The following ZNF333 variants were observed in gnomAD, a reference collection of about 807,000 sequenced individuals.
ZNF333 encodes zinc finger protein 333.
A neutral mutation model predicts 76.1 loss-of-function variants in ZNF333; 61 were observed. The observed-to-expected ratio is 0.80, with a 90% confidence interval of 0.65 to 0.99. The LOEUF is 0.99. Ranked by LOEUF, ZNF333 falls within the 50% of genes least tolerant of loss-of-function variation. The probability of loss-of-function intolerance (pLI) is 0.00; values close to 1 mark genes in which losing one functional copy is unlikely to be tolerated. For synonymous variants in ZNF333, 284 were observed against 305.0 expected, an observed-to-expected ratio of 0.93 and a Z score of 0.72; for missense variants, 717 against 822.4, an observed-to-expected ratio of 0.87 and a Z score of 1.57.
intron 2 of ZNF333, among the ~76,000 whole-genome samples, chr19:14,694,547 C>A (rs1038044500): frequency 3.9e-5 from 6 of 152,092 alleles, no homozygotes; most frequent in African/African-American, 1.4e-4. Flanking sequence ...TAATTAAGGA[C>A]GTAAGTCTTG....
intron 6 of ZNF333, among the ~76,000 whole-genome samples, 193 bp downstream of exon 6, chr19:14,705,363 T>A (rs2042078618): frequency 6.6e-6 from 1 of 152,086 alleles, no homozygotes; most frequent in Non-Finnish European, 1.5e-5. Context: ...GATGGCGGGC[T>A]CCAGGGCGGG....
chr19:14,706,820 C>A, intron 7 of ZNF333, 47 bp downstream of exon 7: 2 of 1,535,358 alleles, frequency 1.3e-6, no homozygotes, highest in African/African-American at 1.4e-5. Flanking sequence ...CCCTGCTGTC[C>A]TTGTGTTCTG....
Position 14,727,573 on chromosome 19 carries a change from AAACC to A in ZNF333, c.901-3600_901-3597del, listed in dbSNP as rs2042641886. Among the ~76,000 whole-genome samples the A allele has an allele frequency of 2.6e-5, 4 of 152,038 alleles. No individual in the cohort carries two copies. The South Asian group carries it at 8.3e-4, about 32-fold the overall frequency. On this transcript the variant is annotated intron_variant, in intron 11 of 11. Transcript: ENST00000540689. ...ACTGACTTACAGCAAAGGGATTACT[AAACC>A]ATTCATGAGCGATTTGCCCCCATGA...
intron 5 of ZNF333, among the ~76,000 whole-genome samples, chr19:14,699,818 A>C (rs575562984): frequency 4.6e-5 from 7 of 152,180 alleles, no homozygotes; most frequent in African/African-American, 1.4e-4. Flanking sequence ...ACTGTCAGAA[A>C]AACCCCTCCT....
intron 5 of ZNF333, among the ~76,000 whole-genome samples, chr19:14,703,331 G>T (rs1347357835): frequency 6.6e-6 from 1 of 152,108 alleles, no homozygotes; most frequent in Admixed American, 6.6e-5. Flanking sequence ...GACATACGGG[G>T]ATTATGGGAA....
At chr19:14,702,840 G>A (rs904312349) in intron 5 of ZNF333, among the ~76,000 whole-genome samples, 3 of 152,136 alleles carry the variant, frequency 2.0e-5, no homozygotes, top group South Asian at 2.1e-4. Context: ...GGCAGGGGAC[G>A]CAAACACATC....
intron 1 of ZNF333, 101 bp from the exon 2 acceptor site, chr19:14,693,350 C>G: frequency 1.2e-6 from 1 of 819,560 alleles, no homozygotes; most frequent in Non-Finnish European, 1.8e-6. Context: ...AGATAAATGT[C>G]CTGTAAGGGT....
chr19:14,694,009 A>G (rs11667655), intron 2 of ZNF333, among the ~76,000 whole-genome samples: 1,830 of 150,166 alleles, frequency 0.012, 26 homozygotes, highest in Non-Finnish European at 0.02. Flanking sequence ...AAAAAAATTA[A>G]AAAGTTTAAG....
intron 1 of ZNF333, among the ~76,000 whole-genome samples, chr19:14,691,241 C>T (rs1972753088): frequency 6.6e-6 from 1 of 152,114 alleles, no homozygotes; most frequent in East Asian, 1.9e-4. Flanking sequence ...TCAGTTATTT[C>T]ACAAATATTA....
intron 1 of ZNF333, among the ~76,000 whole-genome samples, chr19:14,692,517 TTA>T (rs35436398): frequency 0.43 from 65,045 of 150,886 alleles, 15,173 homozygotes; most frequent in East Asian, 0.7. Context: ...TTCTTTTTAT[TTA>T]TTTTTTTTCT....
chr19:14,720,351 C>T lies in ZNF333; in HGVS notation c.*1026C>T, dbSNP rs2042560915. 1.1e-5 allele frequency: 11 copies of T among 985,428 alleles called. No homozygotes were observed. The South Asian group carries it at 3.8e-4, about 34-fold the overall frequency. The allele number at this position is 985,428 out of a possible 1,614,324, so 61.0% of individuals were successfully genotyped here. ...GGTTTCATGTAGCCACATCTCTCCA[C>T]TTCTTGCCTTTTGGACAAGTAGACA... On this transcript the variant is annotated 3_prime_UTR_variant, in exon 12 of 12. Coordinates refer to ENST00000292530, the MANE Select transcript of ZNF333 (RefSeq NM_032433.4).
chr19:14,706,614 T>C (rs1015345145), intron 6 of ZNF333, 72 bp from the exon 7 acceptor site: 20 of 1,148,168 alleles, frequency 1.7e-5, no homozygotes, highest in Non-Finnish European at 2.4e-5. Context: ...GCACGTTCAT[T>C]TGGGGTGAGC....
At chr19:14,716,896 C>A in intron 9 of ZNF333, 98 bp from the exon 10 acceptor site, 1 of 1,098,356 alleles carries the variant, frequency 9.1e-7, no homozygotes, top group Non-Finnish European at 1.3e-6. Flanking sequence ...CATTTTGCCA[C>A]TCCCATCTCT....
intron 8 of ZNF333, among the ~76,000 whole-genome samples, chr19:14,715,891 T>A (rs577076727): frequency 2.6e-5 from 4 of 152,260 alleles, no homozygotes; most frequent in African/African-American, 9.6e-5. Context: ...CTTGCAACAT[T>A]AGTTATTGCC....
chr19:14,715,903 C>G (rs2042415537), intron 8 of ZNF333, among the ~76,000 whole-genome samples: 1 of 152,174 alleles, frequency 6.6e-6, no homozygotes, highest in South Asian at 2.1e-4. Flanking sequence ...GTTATTGCCT[C>G]TTGCTGTTCT....
intron 5 of ZNF333, among the ~76,000 whole-genome samples, chr19:14,699,999 T>C (rs1026822897): frequency 3.3e-5 from 5 of 151,942 alleles, no homozygotes; most frequent in African/African-American, 1.2e-4. Flanking sequence ...TCCACCATCA[T>C]TCACCTCTTT....
intron 1 of ZNF333, 83 bp from the exon 2 acceptor site, chr19:14,693,368 G>A: frequency 9.2e-7 from 1 of 1,081,896 alleles, no homozygotes; most frequent in Non-Finnish European, 1.3e-6. Context: ...GGTTTTGATT[G>A]TGACCACTCT....
At chr19:14,708,222 G>T (rs2042173227) in intron 7 of ZNF333, 1 of 390,346 alleles carries the variant, frequency 2.6e-6, no homozygotes, top group Admixed American at 4.5e-5. Context: ...TGGCCAAGCT[G>T]GTCTCGAACT....
chr19:14,704,641 A>G (rs1011978815), intron 5 of ZNF333, among the ~76,000 whole-genome samples: 1 of 152,220 alleles, frequency 6.6e-6, no homozygotes, highest in African/African-American at 2.4e-5. Flanking sequence ...GATGGCAGCA[A>G]GTAAAGAGAC....
Sources: allele counts gnomAD v4.1 joint callset (sites outside exome capture counted in the v4.1 genomes callset), GRCh38; gene constraint gnomAD v4.1.1; transcripts MANE v1.5; gene names NCBI Gene and HGNC (gene_info 2026-07-23, HGNC 2026-07-21).